GNAI1: variants seen among roughly 807,000 people sequenced by gnomAD.
The protein encoded by GNAI1 is G protein subunit alpha i1.
In GNAI1, 11 loss-of-function variants were observed where a neutral mutation model predicts 38.9. That is an observed-to-expected ratio of 0.28 (90% CI 0.18 to 0.47). GNAI1 has a LOEUF of 0.47. GNAI1 is among the 20% of genes least tolerant of loss of function. The pLI is 0.99. For synonymous variants in GNAI1, 166 were observed against 145.1 expected, an observed-to-expected ratio of 1.14 and a Z score of -1.04; for missense variants, 317 against 436.9, an observed-to-expected ratio of 0.73 and a Z score of 2.45.
intron 1 of GNAI1, among the ~76,000 whole-genome samples, chr7:80,136,506 AT>A (rs1264895279): frequency 1.3e-5 from 2 of 152,166 alleles, no homozygotes; most frequent in Non-Finnish European, 2.9e-5. Context: ...GATCTGAGTC[AT>A]TTTGCAAGTA....
intron 5 of GNAI1, among the ~76,000 whole-genome samples, chr7:80,204,154 G>T (rs1196054344): frequency 6.6e-6 from 1 of 152,024 alleles, no homozygotes; most frequent in Non-Finnish European, 1.5e-5. Flanking sequence ...TTCGGAAAGT[G>T]TTGCCATCTA....
At position 80,134,926 on chromosome 7, in the gene GNAI1, G is replaced by C. The variant is rs979535917; in HGVS notation, c.-235G>C. Reference sequence around the variant, plus strand: ...ATTCAAAACCCCAAACCCGGGACTTGGGGGCGCTGAGCCGGGCCGGGAAGC... The same window carrying C: ...ATTCAAAACCCCAAACCCGGGACTTCGGGGCGCTGAGCCGGGCCGGGAAGC... On this transcript the variant is annotated 5_prime_UTR_variant, in exon 1 of 8. Transcript: ENST00000649796. 5.3e-6 allele frequency: 2 copies of C among 376,768 alleles called. No individual in the cohort carries two copies. Among genetic ancestry groups the C allele is most frequent in the Non-Finnish European group, 9.4e-6 (2 of 212,624 alleles). 23.3% of individuals were successfully genotyped at this position (376,768 alleles called of 1,614,324 possible).
intron 1 of GNAI1, among the ~76,000 whole-genome samples, chr7:80,146,174 T>C (rs1348171939): frequency 2.6e-5 from 4 of 152,096 alleles, no homozygotes; most frequent in Admixed American, 2.6e-4. Flanking sequence ...ACAATTCAGC[T>C]TTGGCCCAGA....
At chr7:80,165,670 C>T (rs1453900076) in intron 1 of GNAI1, among the ~76,000 whole-genome samples, 1 of 151,962 alleles carries the variant, frequency 6.6e-6, no homozygotes, top group Non-Finnish European at 1.5e-5. Context: ...TTCATTCAAG[C>T]ACTTTATTTC....
At chr7:80,181,669 A>AT (rs1584032454) in intron 1 of GNAI1, among the ~76,000 whole-genome samples, 1 of 152,134 alleles carries the variant, frequency 6.6e-6, no homozygotes, top group East Asian at 1.9e-4. Context: ...TTGTGTGTGC[A>AT]TTCATTCATT....
intron 1 of GNAI1, among the ~76,000 whole-genome samples, chr7:80,178,761 A>C (rs1197802805): frequency 6.6e-6 from 1 of 152,188 alleles, no homozygotes. Context: ...TATTCTCTTT[A>C]CTGCAGTGGT....
At chr7:80,195,993 C>T (rs1057262884) in intron 3 of GNAI1, among the ~76,000 whole-genome samples, 1 of 151,942 alleles carries the variant, frequency 6.6e-6, no homozygotes, top group Non-Finnish European at 1.5e-5. Context: ...TTAAAGTCTT[C>T]TCCTCCCATC....
At position 80,185,523 on chromosome 7, in the gene GNAI1, C is replaced by T. The variant is rs62462669; in HGVS notation, c.119-3428C>T. Among the ~76,000 whole-genome samples the T allele has an allele frequency of 2.8e-3, 429 of 152,216 alleles. 6 individuals carry two copies. The highest frequency in any genetic ancestry group is 9.8e-3 in the African/African-American group (409 of 41,532). On this transcript the variant is annotated intron_variant, in intron 1 of 7. Coordinates refer to ENST00000649796, the MANE Select transcript of GNAI1 (RefSeq NM_002069.6). ...ATGGCTTTACCCTGCATTCGTTGAC[C>T]GTTCAATCTGTACACTTCAACCCAC...
At chr7:80,190,078 C>T (rs1562837223) in intron 3 of GNAI1, among the ~76,000 whole-genome samples, 2 of 151,728 alleles carry the variant, frequency 1.3e-5, no homozygotes, top group African/African-American at 4.8e-5. Flanking sequence ...TACTGTCTTC[C>T]TACTAATACT....
rs183293689 is a variant in GNAI1, at chr7:80,220,800, C to T, written c.*3307C>T. 1.3e-5 allele frequency among the ~76,000 whole-genome samples: 2 copies of T among 152,282 alleles called. No individual in the cohort carries two copies. The highest frequency in any genetic ancestry group is 4.8e-5 in the African/African-American group (2 of 41,572). On this transcript the variant is annotated 3_prime_UTR_variant, in exon 8 of 8. Transcript: ENST00000649796. ...GGTTTTAAACCTAGAGCTTCTGACTCCATGTCTGTCAGAGGACCCCAAAGA... is the reference window on the plus strand; with the variant it reads ...GGTTTTAAACCTAGAGCTTCTGACTTCATGTCTGTCAGAGGACCCCAAAGA...
chr7:80,137,376 A>G (rs1787441450), intron 1 of GNAI1, among the ~76,000 whole-genome samples: 1 of 117,840 alleles, frequency 8.5e-6, no homozygotes, highest in African/African-American at 3.4e-5. Flanking sequence ...GCTGGAGTGC[A>G]GTGGCCCGAT....
chr7:80,215,171 T>C (rs901228319), intron 7 of GNAI1, among the ~76,000 whole-genome samples: 1 of 152,214 alleles, frequency 6.6e-6, no homozygotes, highest in African/African-American at 2.4e-5. Context: ...CAATCTATCA[T>C]ATTTGCTCTC....
chr7:80,163,496 A>G (rs1381100460), intron 1 of GNAI1, among the ~76,000 whole-genome samples: 1 of 152,204 alleles, frequency 6.6e-6, no homozygotes, highest in African/African-American at 2.4e-5. Flanking sequence ...ACTGAAATTC[A>G]CTTACATAAC....
At chr7:80,180,335 G>A (rs1468326754) in intron 1 of GNAI1, among the ~76,000 whole-genome samples, 1 of 151,892 alleles carries the variant, frequency 6.6e-6, no homozygotes, top group Non-Finnish European at 1.5e-5. Flanking sequence ...GTGTGTGTGT[G>A]TGTGTGTGTG....
intron 1 of GNAI1, among the ~76,000 whole-genome samples, chr7:80,157,745 AC>A (rs1787842905): frequency 1.3e-5 from 2 of 152,040 alleles, no homozygotes; most frequent in Non-Finnish European, 2.9e-5. Flanking sequence ...TCACTCTGTC[AC>A]CCAAGCTGCA....
chr7:80,137,576 T>C (rs1787447187), intron 1 of GNAI1, among the ~76,000 whole-genome samples: 4 of 152,198 alleles, frequency 2.6e-5, no homozygotes, highest in Admixed American at 2.6e-4. Context: ...CGCCTCAGCC[T>C]CCCGAAGTTC....
intron 1 of GNAI1, among the ~76,000 whole-genome samples, chr7:80,176,746 G>T (rs946577520): frequency 2.6e-5 from 4 of 151,852 alleles, no homozygotes; most frequent in Non-Finnish European, 4.4e-5. Context: ...AGACCAGCCT[G>T]GCCAACATGG....
At chr7:80,153,523 A>C (rs185905610) in intron 1 of GNAI1, among the ~76,000 whole-genome samples, 51 of 152,324 alleles carry the variant, frequency 3.3e-4, no homozygotes, top group Non-Finnish European at 5.9e-4. Flanking sequence ...GTGGTTAATA[A>C]GACACAGGTG....
rs1397921315 is a variant in GNAI1, at chr7:80,220,945, T to TG, written c.*3452_*3453insG. On this transcript the variant is annotated 3_prime_UTR_variant, in exon 8 of 8. Transcript: ENST00000649796. ...AAAAAGGAGATACTTATTAATGTCT[T>TG]TCATCAGAGCTATTTTTTACTCCTT... 1.3e-5 allele frequency among the ~76,000 whole-genome samples: 2 copies of TG among 152,202 alleles called. No individual in the cohort carries two copies. Among genetic ancestry groups the TG allele is most frequent in the Admixed American group, 6.5e-5 (1 of 15,274 alleles).
Sources: allele counts gnomAD v4.1 joint callset (sites outside exome capture counted in the v4.1 genomes callset), GRCh38; gene constraint gnomAD v4.1.1; transcripts MANE v1.5; gene names NCBI Gene and HGNC (gene_info 2026-07-23, HGNC 2026-07-21).